SETMAR: variants seen among roughly 807,000 people sequenced by gnomAD.
SETMAR encodes SET and mariner transposase domain methyltransferase, also known as histone-lysine N-methyltransferase SETMAR.
Under a neutral mutation model 58.4 loss-of-function variants are expected in SETMAR, and 44 were observed. That is an observed-to-expected ratio of 0.75 (90% confidence interval 0.59 to 0.97). The LOEUF is 0.97. Ranked by LOEUF, SETMAR falls within the 50% of genes least tolerant of loss-of-function variation. The pLI is 0.00. For synonymous variants in SETMAR, 332 were observed against 307.4 expected, an observed-to-expected ratio of 1.08 and a Z score of -0.84; for missense variants, 903 against 840.2, an observed-to-expected ratio of 1.07 and a Z score of -0.92.
chr3:4,306,101 G>C (rs73806993), intron 1 of SETMAR, among the ~76,000 whole-genome samples: 1,988 of 152,240 alleles, frequency 0.013, 48 homozygotes, highest in African/African-American at 0.046. Context: ...TACCCTCAAG[G>C]TGTTTACAAC....
chr3:4,317,067 G>C lies in SETMAR; in HGVS notation c.1876G>C (p.Val626Leu), dbSNP rs980707405. The C allele has an allele frequency of 3.2e-6, 5 of 1,549,072 alleles. No individual in the cohort carries two copies. In the East Asian group the frequency reaches 1.2e-4, roughly 38 times the overall value. The change falls in exon 3 of 3, where the codon GTC becomes CTC. Residue 626 changes from valine to leucine, a missense_variant. Physicochemically the swap from Val to Leu is conservative, Grantham distance 32. Transcript: ENST00000358065. ...SPDLLPTNYH[V>L]FKHLNNFLQG... Reference sequence around the variant, plus strand: ...TGACCTCTTGCCAACCAACTACCACGTCTTTAAGCATCTCAACAACTTTTT... The same window carrying C: ...TGACCTCTTGCCAACCAACTACCACCTCTTTAAGCATCTCAACAACTTTTT...
intron 1 of SETMAR, chr3:4,303,807 G>C: frequency 3.6e-6 from 5 of 1,396,240 alleles, no homozygotes; most frequent in Non-Finnish European, 4.8e-6. Context: ...CCTGTCCTCA[G>C]AACTCAAGGA....
intron 1 of SETMAR, among the ~76,000 whole-genome samples, chr3:4,311,577 C>A (rs1486061444): frequency 6.6e-6 from 1 of 152,172 alleles, no homozygotes; most frequent in Non-Finnish European, 1.5e-5. Flanking sequence ...AAGTCAATGC[C>A]ACTTCTGAAC....
Position 4,316,451 on chromosome 3 carries a change from C to A in SETMAR, c.1260C>A (p.Ile420=). The A allele has an allele frequency of 1.9e-6, 3 of 1,602,692 alleles. No individual in the cohort carries two copies. Among genetic ancestry groups the A allele is most frequent in the Non-Finnish European group, 2.6e-6 (3 of 1,174,766 alleles). ...TTGACAACGACCAGTTGAGAGCAAT[C>A]ATCGAAGCTGATCCCCTTACAACTA... ...SEVDNDQLRA[I]IEADPLTTTR... is the part of the protein sequence containing the mutation. Residue 420 remains isoleucine (I), a synonymous_variant, in exon 3 of 3, where the codon ATC becomes ATA. Transcript: ENST00000358065.
rs755441931 is a variant in SETMAR at position 4,317,076 on chromosome 3, C to T, written c.1885C>T (p.His629Tyr). The T allele has an allele frequency of 2.6e-6, 4 of 1,549,022 alleles. No individual in the cohort carries two copies. Among genetic ancestry groups the T allele is most frequent in the Non-Finnish European group, 3.5e-6 (4 of 1,146,514 alleles). Residue 629 changes from histidine to tyrosine, a missense_variant, in exon 3 of 3, where the codon CAT (histidine) becomes TAT (tyrosine). His to Tyr is a moderately conservative substitution (Grantham distance 83). Coordinates refer to ENST00000358065, the MANE Select transcript of SETMAR (RefSeq NM_006515.4). ...GCCAACCAACTACCACGTCTTTAAG[C>T]ATCTCAACAACTTTTTGCAGGGAAA... The part of the protein sequence containing the change: ...LLPTNYHVFK[H>Y]LNNFLQGKRF...
In SETMAR at chr3:4,303,440, C is replaced by T. The variant is rs1320708731; in HGVS notation, c.70C>T (p.Pro24Ser). The change falls in exon 1 of 3, where the codon CCG (proline) becomes TCG (serine). Residue 24 changes from proline to serine, a missense_variant. Physicochemically the swap from Pro to Ser is moderately conservative, Grantham distance 74 (BLOSUM62 -1). Transcript: ENST00000358065. The part of the protein sequence containing the change: ...MAEFKEKPEA[P>S]TEQLDVACGQ... The stretch of plus-strand genomic sequence containing the variant: ...GGAGTTTAAGGAGAAGCCTGAGGCC[C>T]CGACTGAGCAGCTGGATGTCGCGTG... The T allele has an allele frequency of 1.9e-6, 3 of 1,551,008 alleles. No individual in the cohort carries two copies. Among genetic ancestry groups the T allele is most frequent in the Non-Finnish European group, 2.6e-6 (3 of 1,153,912 alleles).
chr3:4,309,985 G>GGCAATAT (rs1559215390), intron 1 of SETMAR, among the ~76,000 whole-genome samples: 2 of 152,170 alleles, frequency 1.3e-5, no homozygotes, highest in Admixed American at 1.3e-4. Flanking sequence ...TACACACTTA[G>GGCAATAT]GCAATATGAT....
chr3:4,313,039 T>C lies in SETMAR; in HGVS notation c.298T>C (p.Ser100Pro). ...LRHGENYDDN[S>P]CLRDIGSGGK... The stretch of plus-strand genomic sequence containing the variant: ...CCATGGAGAGAACTATGATGATAAC[T>C]CATGCCTTAGAGATATAGGATCTGG... Residue 100 changes from serine to proline, a missense_variant, in exon 2 of 3, where the codon TCA becomes CCA. Transcript: ENST00000358065. 1.2e-6 allele frequency: 2 copies of C among 1,613,976 alleles called. No individual in the cohort carries two copies. The highest frequency in any genetic ancestry group is 1.3e-5 in the African/African-American group (1 of 75,018).
chr3:4,304,565 G>C (rs1698106542), intron 1 of SETMAR, among the ~76,000 whole-genome samples: 1 of 152,210 alleles, frequency 6.6e-6, no homozygotes, highest in Non-Finnish European at 1.5e-5. Context: ...TCGGAGCTTA[G>C]ACATCTTAGC....
chr3:4,305,451 T>C (rs540470460), intron 1 of SETMAR, among the ~76,000 whole-genome samples: 110 of 152,230 alleles, frequency 7.2e-4, no homozygotes, highest in Non-Finnish European at 1.3e-3. Flanking sequence ...GAGCAGGTTG[T>C]AAAATGTTTC....
chr3:4,315,954 C>A (rs1195204307), intron 2 of SETMAR, among the ~76,000 whole-genome samples: 1 of 146,866 alleles, frequency 6.8e-6, no homozygotes, highest in Admixed American at 7.0e-5. Flanking sequence ...GGCTGAGGTA[C>A]GAGAATCACT....
intron 1 of SETMAR, among the ~76,000 whole-genome samples, chr3:4,310,952 A>G (rs751249594): frequency 2.9e-4 from 44 of 152,220 alleles, no homozygotes; most frequent in Non-Finnish European, 4.4e-4. Flanking sequence ...ACCTTTAAAA[A>G]GCTGAAAGTA....
In SETMAR at chr3:4,317,033, G is replaced by A. The variant is rs776697150; in HGVS notation, c.1842G>A (p.Pro614=). The change falls in exon 3 of 3, where the codon CCG becomes CCA. Residue 614 remains proline (P), a synonymous_variant. Coordinates refer to ENST00000358065, the MANE Select transcript of SETMAR (RefSeq NM_006515.4). Reference sequence around the variant, plus strand: ...GCTATGAAGTTTTGCCTCATCCACCGTATTCACCTGACCTCTTGCCAACCA... The same window carrying A: ...GCTATGAAGTTTTGCCTCATCCACCATATTCACCTGACCTCTTGCCAACCA... ...ELGYEVLPHP[P]YSPDLLPTNY... is the part of the protein sequence containing the mutation. The A allele has an allele frequency of 7.1e-6, 11 of 1,549,186 alleles. No individual in the cohort carries two copies. Among genetic ancestry groups the A allele is most frequent in the Middle Eastern group, 2.3e-4 (1 of 4,380 alleles).
At chr3:4,306,274 C>T (rs970065235) in intron 1 of SETMAR, among the ~76,000 whole-genome samples, 5 of 151,970 alleles carry the variant, frequency 3.3e-5, no homozygotes, top group East Asian at 3.8e-4. Flanking sequence ...TCACTTTAAG[C>T]GTTAAATTAT....
rs1299994403 is a variant in SETMAR at position 4,312,944 on chromosome 3, C to T, written c.203C>T (p.Thr68Ile). 3.1e-6 allele frequency: 5 copies of T among 1,613,724 alleles called. No homozygotes were observed. The highest frequency in any genetic ancestry group is 1.3e-5 in the African/African-American group (1 of 74,994). Residue 68 changes from threonine to isoleucine, a missense_variant, in exon 2 of 3, where the codon ACT (threonine) becomes ATT (isoleucine). Coordinates refer to ENST00000358065, the MANE Select transcript of SETMAR (RefSeq NM_006515.4). ...GGACCTGGAGCAGACATTGATCCCACTCAAATAACCTTTCCCGGATGCATT... is the reference window on the plus strand; with the variant it reads ...GGACCTGGAGCAGACATTGATCCCATTCAAATAACCTTTCCCGGATGCATT... ...VVGPGADIDP[T>I]QITFPGCICV... is the part of the protein sequence containing the mutation.
chr3:4,313,298 C>T lies in SETMAR; in HGVS notation c.557C>T (p.Thr186Ile), dbSNP rs748618803. 1.9e-6 allele frequency: 3 copies of T among 1,613,912 alleles called. No individual in the cohort carries two copies. The highest frequency in any genetic ancestry group is 3.3e-5 in the Admixed American group (2 of 59,954). The change falls in exon 2 of 3, where the codon ACA becomes ATA. Residue 186 changes from threonine (T) to isoleucine (I), a missense_variant. Coordinates refer to ENST00000358065, the MANE Select transcript of SETMAR (RefSeq NM_006515.4). ...SEVQRRIHLQ[T>I]KSDSNYIIAI... The stretch of plus-strand genomic sequence containing the variant: ...GTTCAGAGAAGAATTCACTTACAAA[C>T]AAAATCCGACTCCAATTACATTATA...
chr3:4,304,326 G>C (rs182430826), intron 1 of SETMAR, among the ~76,000 whole-genome samples: 8 of 152,288 alleles, frequency 5.3e-5, no homozygotes, highest in Non-Finnish European at 7.4e-5. Context: ...ATTTTTAGTA[G>C]AGACAGGGTT....
rs867371482 is a variant in SETMAR, at chr3:4,303,441, C to G, written c.71C>G (p.Pro24Arg). 1.9e-6 allele frequency: 3 copies of G among 1,551,028 alleles called. No homozygotes were observed. Among genetic ancestry groups the G allele is most frequent in the Non-Finnish European group, 1.7e-6 (2 of 1,154,010 alleles). ...MAEFKEKPEA[P>R]TEQLDVACGQ... Reference sequence around the variant, plus strand: ...GAGTTTAAGGAGAAGCCTGAGGCCCCGACTGAGCAGCTGGATGTCGCGTGC... The same window carrying G: ...GAGTTTAAGGAGAAGCCTGAGGCCCGGACTGAGCAGCTGGATGTCGCGTGC... Residue 24 changes from proline to arginine, a missense_variant, in exon 1 of 3, where the codon CCG becomes CGG. Pro to Arg is a moderately radical substitution (Grantham distance 103, BLOSUM62 -2). Transcript: ENST00000358065.
intron 1 of SETMAR, among the ~76,000 whole-genome samples, chr3:4,312,145 A>G (rs750463830): frequency 3.3e-5 from 5 of 152,236 alleles, no homozygotes; most frequent in African/African-American, 1.2e-4. Flanking sequence ...TATTTAAGAA[A>G]TAGCATTTTT....
Sources: gnomAD v4.1 joint callset for allele counts (sites outside exome capture counted in the v4.1 genomes callset) on GRCh38, gnomAD v4.1.1 for gene constraint, MANE v1.5 for transcripts, NCBI Gene and HGNC (gene_info 2026-07-23, HGNC 2026-07-21) for gene names.